Variants in PTPRG observed in about 807,000 individuals in gnomAD.
The protein encoded by PTPRG is receptor-type tyrosine-protein phosphatase gamma.
Under a neutral mutation model 165.3 loss-of-function variants are expected in PTPRG, and 102 were observed. The observed-to-expected ratio is 0.62, with a 90% CI of 0.53 to 0.73. The LOEUF is 0.73. PTPRG is among the 30% of genes least tolerant of loss of function. PTPRG has a pLI of 0.00. For synonymous variants in PTPRG, 675 were observed against 669.5 expected (o/e 1.01, Z -0.13); for missense variants, 1,866 against 1,861.4 (o/e 1.00, Z -0.05).
chr3:62,034,830 C>T (rs990560193), intron 4 of PTPRG, among the ~76,000 whole-genome samples: 7 of 152,188 alleles, frequency 4.6e-5, no homozygotes, highest in African/African-American at 1.7e-4. Flanking sequence ...TACTTGGCCA[C>T]CCCCGCAGCC....
intron 8 of PTPRG, among the ~76,000 whole-genome samples, chr3:62,180,421 C>T (rs1015105961): frequency 8.5e-5 from 13 of 152,162 alleles, no homozygotes; most frequent in African/African-American, 1.2e-4. Flanking sequence ...ACCCTAGCTC[C>T]GCAGCCAGGT....
intron 1 of PTPRG, among the ~76,000 whole-genome samples, chr3:61,679,978 T>C (rs958902001): frequency 4.6e-5 from 7 of 152,170 alleles, no homozygotes; most frequent in African/African-American, 1.4e-4. Flanking sequence ...GAACATTTTC[T>C]CTTTCTCAAT....
At position 62,203,854 on chromosome 3, in the gene PTPRG, G is replaced by A. The variant is rs755675267; in HGVS notation, c.2059G>A (p.Gly687Arg). ...CACCGCCACAGAGGAGCAGTATGCAGGGAGTGATCCCAAGAGGCCCGAAAT... is the reference window on the plus strand; with the variant it reads ...CACCGCCACAGAGGAGCAGTATGCAAGGAGTGATCCCAAGAGGCCCGAAAT... ...PPTATEEQYA[G>R]SDPKRPEMPS... is the part of the protein sequence containing the mutation. The change falls in exon 12 of 30, where the codon GGG (glycine) becomes AGG (arginine). Residue 687 changes from glycine (G) to arginine (R), a missense_variant. Gly to Arg is a moderately radical substitution (Grantham distance 125, BLOSUM62 -2). Coordinates refer to ENST00000474889, the MANE Select transcript of PTPRG (RefSeq NM_002841.4). This position sits in a 1 kb window ranked among gnomAD's most constrained non-coding sequence, Gnocchi z 6.4. The A allele has an allele frequency of 6.2e-7, 1 of 1,614,172 alleles. No individual in the cohort carries two copies. Among genetic ancestry groups the A allele is most frequent in the South Asian group, 1.1e-5 (1 of 91,078 alleles).
intron 4 of PTPRG, among the ~76,000 whole-genome samples, chr3:62,016,391 C>T (rs1335628824): frequency 6.6e-6 from 1 of 152,136 alleles, no homozygotes; most frequent in African/African-American, 2.4e-5. Context: ...TGGTCTCGAA[C>T]TCCTGACCTC....
intron 2 of PTPRG, among the ~76,000 whole-genome samples, chr3:61,914,520 T>A (rs2038884203): frequency 6.6e-6 from 1 of 152,222 alleles, no homozygotes; most frequent in Non-Finnish European, 1.5e-5. Context: ...CTTGCCTATG[T>A]CCTTGTTTTC....
chr3:61,898,700 G>T (rs151093969), intron 2 of PTPRG, among the ~76,000 whole-genome samples: 2 of 152,088 alleles, frequency 1.3e-5, no homozygotes, highest in Admixed American at 6.5e-5. Context: ...ATGTGGCAAA[G>T]GTCTTTAAAT....
At chr3:61,969,627 A>C (rs1338256328) in intron 2 of PTPRG, among the ~76,000 whole-genome samples, 1 of 152,110 alleles carries the variant, frequency 6.6e-6, no homozygotes, top group East Asian at 1.9e-4. Flanking sequence ...GGCGCCTTTT[A>C]GAAAGTTTTT....
intron 5 of PTPRG, among the ~76,000 whole-genome samples, chr3:62,113,780 T>C (rs576930645): frequency 2.6e-5 from 4 of 152,342 alleles, no homozygotes; most frequent in East Asian, 3.9e-4. Flanking sequence ...CCTAGTAATA[T>C]GTAATAATCA....
At chr3:61,652,011 A>T (rs915115379) in intron 1 of PTPRG, among the ~76,000 whole-genome samples, 11 of 138,398 alleles carry the variant, frequency 7.9e-5, no homozygotes, top group African/African-American at 2.5e-4. Flanking sequence ...CTTCATCTCA[A>T]TATATATATA....
intron 4 of PTPRG, among the ~76,000 whole-genome samples, chr3:62,063,508 T>A (rs1575954756): frequency 1.3e-5 from 2 of 152,320 alleles, no homozygotes; most frequent in South Asian, 4.1e-4. Flanking sequence ...TATTAATACT[T>A]TGTGTTTATA....
intron 27 of PTPRG, among the ~76,000 whole-genome samples, chr3:62,281,944 C>T (rs1702466744): frequency 6.6e-6 from 1 of 151,860 alleles, no homozygotes; most frequent in African/African-American, 2.4e-5. Flanking sequence ...GTCTGTTGAC[C>T]TAATTATAAA....
At chr3:62,095,975 A>G (rs1702095583) in intron 5 of PTPRG, among the ~76,000 whole-genome samples, 1 of 152,192 alleles carries the variant, frequency 6.6e-6, no homozygotes, top group African/African-American at 2.4e-5. Context: ...CTTGAAGGCC[A>G]TCAGCCCTAG....
At chr3:61,802,973 A>G (rs1348468882) in intron 2 of PTPRG, among the ~76,000 whole-genome samples, 3 of 152,240 alleles carry the variant, frequency 2.0e-5, no homozygotes, top group Non-Finnish European at 4.4e-5. Flanking sequence ...TTAATGTTCT[A>G]GACCCTGGGT....
Position 61,663,494 on chromosome 3 carries a change from G to A in PTPRG, c.86-85384G>A, listed in dbSNP as rs546063474. Among the ~76,000 whole-genome samples, 5 of 152,220 alleles carry A rather than the reference G, an allele frequency of 3.3e-5. No homozygotes were observed. In the East Asian group the frequency reaches 9.6e-4, roughly 29 times the overall value. Reference sequence around the variant, plus strand: ...TGGAGATAGTGTATTCAAAGCAGTAGTCCCCAGCCTTTTTGGCATCAGGGA... The same window carrying A: ...TGGAGATAGTGTATTCAAAGCAGTAATCCCCAGCCTTTTTGGCATCAGGGA... On this transcript the variant is annotated intron_variant, in intron 1 of 29. Transcript: ENST00000474889.
intron 2 of PTPRG, among the ~76,000 whole-genome samples, chr3:61,881,043 T>C (rs2107470481): frequency 6.6e-6 from 1 of 152,156 alleles, no homozygotes; most frequent in Non-Finnish European, 1.5e-5. Context: ...ATATCATTTG[T>C]GGCCCTGTCC....
In PTPRG at chr3:62,295,301, T is replaced by A. The variant is rs577651139; in HGVS notation, c.*1994T>A. 2.6e-5 allele frequency: 4 copies of A among 152,228 alleles called. 1 individual carries two copies. In the South Asian group the frequency reaches 8.3e-4, roughly 32 times the overall value. The allele number at this position is 152,228 out of a possible 1,614,324, so 9.4% of individuals were successfully genotyped here. On this transcript the variant is annotated 3_prime_UTR_variant, in exon 30 of 30. Coordinates refer to ENST00000474889, the MANE Select transcript of PTPRG (RefSeq NM_002841.4). ...ATGCTGAGGAGAATCAGGAAAGCAA[T>A]GAGCTAGACTCTTTTTTTAGTCAAT... is the stretch of plus-strand genomic sequence containing the variant.
intron 1 of PTPRG, among the ~76,000 whole-genome samples, chr3:61,690,697 C>G (rs1213668276): frequency 6.6e-6 from 1 of 152,158 alleles, no homozygotes; most frequent in African/African-American, 2.4e-5. Context: ...GAAAACTGTT[C>G]ACTCAGATGG....
intron 7 of PTPRG, among the ~76,000 whole-genome samples, chr3:62,164,087 A>G (rs1203456790): frequency 6.6e-6 from 1 of 152,254 alleles, no homozygotes; most frequent in Non-Finnish European, 1.5e-5. Flanking sequence ...AGAACAGATT[A>G]CGGACCAAAC....
At chr3:61,673,477 T>C (rs1359773231) in intron 1 of PTPRG, among the ~76,000 whole-genome samples, 6 of 152,220 alleles carry the variant, frequency 3.9e-5, no homozygotes, top group Non-Finnish European at 8.8e-5. Flanking sequence ...GGTATATATT[T>C]CAATGCTATT....
Sources: allele counts gnomAD v4.1 joint callset (sites outside exome capture counted in the v4.1 genomes callset), GRCh38; gene constraint gnomAD v4.1.1; non-coding constraint Gnocchi (gnomAD v3.1); transcripts MANE v1.5; gene names NCBI Gene and HGNC (gene_info 2026-07-23, HGNC 2026-07-21).